RYR3: variants seen among roughly 807,000 people sequenced by gnomAD.
RYR3 encodes ryanodine receptor 3.
RYR3 carries 207 observed loss-of-function variants against 584.3 expected under a neutral mutation model. The ratio of observed to expected loss-of-function variants is 0.35; its 90% CI spans 0.32 to 0.40. The LOEUF (loss-of-function observed/expected upper bound fraction) is 0.40, where lower values mean the gene tolerates loss of function less well. Among genes scored for constraint, RYR3 ranks in the 10% least tolerant of loss-of-function variants. The probability of loss-of-function intolerance (pLI) is 1.00; values close to 1 mark genes in which losing one functional copy is unlikely to be tolerated. For synonymous variants in RYR3, 2,416 were observed against 2,248.5 expected, an observed-to-expected ratio of 1.07 and a Z score of -2.11; for missense variants, 5,616 against 6,089.2, an observed-to-expected ratio of 0.92 and a Z score of 2.59.
intron 38 of RYR3, among the ~76,000 whole-genome samples, chr15:33,692,931 T>C (rs990977300): frequency 8.5e-5 from 13 of 152,186 alleles, no homozygotes; most frequent in Admixed American, 7.9e-4. Context: ...GGTTTTATTA[T>C]GATTCTGTAA....
intron 1 of RYR3, among the ~76,000 whole-genome samples, chr15:33,464,555 T>C (rs960511838): frequency 2.0e-5 from 3 of 147,052 alleles, no homozygotes; most frequent in Non-Finnish European, 4.5e-5. Flanking sequence ...TATATACAAA[T>C]ATAGATAATA....
intron 16 of RYR3, among the ~76,000 whole-genome samples, chr15:33,587,095 G>T (rs1322687210): frequency 6.6e-6 from 1 of 152,166 alleles, no homozygotes; most frequent in East Asian, 1.9e-4. Context: ...TGTATGACAT[G>T]CATCAGCCGT....
intron 80 of RYR3, among the ~76,000 whole-genome samples, chr15:33,822,102 A>G (rs1350470468): frequency 6.6e-6 from 1 of 152,122 alleles, no homozygotes; most frequent in Non-Finnish European, 1.5e-5. Context: ...AGCAGTGAAT[A>G]ATACAAATAA....
chr15:33,523,098 T>C (rs559835450), intron 3 of RYR3, among the ~76,000 whole-genome samples: 5 of 152,182 alleles, frequency 3.3e-5, no homozygotes, highest in African/African-American at 1.2e-4. Context: ...TAAAGGATTG[T>C]AAATGCACCA....
chr15:33,857,138 C>G (rs2079763077), intron 98 of RYR3, among the ~76,000 whole-genome samples: 1 of 152,168 alleles, frequency 6.6e-6, no homozygotes, highest in Admixed American at 6.5e-5. Context: ...ATACATTAGT[C>G]TGCTTGGGCT....
intron 1 of RYR3, among the ~76,000 whole-genome samples, chr15:33,447,903 T>C (rs1459923397): frequency 6.6e-6 from 1 of 152,202 alleles, no homozygotes; most frequent in African/African-American, 2.4e-5. Context: ...TCAAATCTCT[T>C]TTTGAGGCTC....
chr15:33,742,331 TG>T, intron 51 of RYR3, 34 bp from the exon 52 acceptor site: 1 of 1,351,148 alleles, frequency 7.4e-7, no homozygotes, highest in Non-Finnish European at 1.1e-6. Flanking sequence ...CTGAAGTGCT[TG>T]GGGAGGTTGT....
At chr15:33,686,366 G>C (rs2065009504) in intron 38 of RYR3, among the ~76,000 whole-genome samples, 1 of 151,352 alleles carries the variant, frequency 6.6e-6, no homozygotes, top group Non-Finnish European at 1.5e-5. Context: ...ACCCTCCCAA[G>C]ACTACACCAG....
intron 39 of RYR3, among the ~76,000 whole-genome samples, chr15:33,697,448 G>A (rs1392557594): frequency 1.3e-5 from 2 of 152,160 alleles, no homozygotes; most frequent in African/African-American, 4.8e-5. Flanking sequence ...GGAGTACACA[G>A]CAAATTACCA....
chr15:33,501,451 A>G (rs974449190), intron 2 of RYR3, among the ~76,000 whole-genome samples: 5 of 152,348 alleles, frequency 3.3e-5, no homozygotes, highest in Middle Eastern at 3.4e-3. Flanking sequence ...AAAAGTGGGC[A>G]TTAATGTTGT....
chr15:33,863,054 A>G (rs1567365164), intron 102 of RYR3, among the ~76,000 whole-genome samples: 1 of 150,632 alleles, frequency 6.6e-6, no homozygotes. Context: ...CATGGGTTAT[A>G]GACCAGTGGA....
chr15:33,344,089 G>C (rs938357295), intron 1 of RYR3, among the ~76,000 whole-genome samples: 2 of 152,184 alleles, frequency 1.3e-5, no homozygotes, highest in Non-Finnish European at 2.9e-5. Context: ...TGTTGTTGTT[G>C]CTTTTTACAA....
At chr15:33,362,008 G>A (rs566543982) in intron 1 of RYR3, among the ~76,000 whole-genome samples, 3 of 152,306 alleles carry the variant, frequency 2.0e-5, no homozygotes, top group South Asian at 4.1e-4. Context: ...CTAAGTTGCC[G>A]CATTCCCAAG....
chr15:33,449,748 T>C (rs1358094214), intron 1 of RYR3, among the ~76,000 whole-genome samples: 1 of 152,182 alleles, frequency 6.6e-6, no homozygotes, highest in African/African-American at 2.4e-5. Flanking sequence ...ACAGAAGTTT[T>C]GGCAAGGTGT....
At chr15:33,446,885 G>T (rs942225046) in intron 1 of RYR3, among the ~76,000 whole-genome samples, 3 of 152,186 alleles carry the variant, frequency 2.0e-5, no homozygotes, top group Admixed American at 6.5e-5. Flanking sequence ...GTAGAAGGCA[G>T]GTTCTCCAAC....
intron 1 of RYR3, among the ~76,000 whole-genome samples, chr15:33,354,162 C>T (rs1973654171): frequency 6.6e-6 from 1 of 152,184 alleles, no homozygotes; most frequent in Admixed American, 6.5e-5. Context: ...CCCATTTTCT[C>T]AGATACAGGT....
chr15:33,610,207 C>T (rs1450931581), intron 18 of RYR3, among the ~76,000 whole-genome samples: 1 of 152,144 alleles, frequency 6.6e-6, no homozygotes, highest in African/African-American at 2.4e-5. Flanking sequence ...TTACCAAACT[C>T]CAGCCATTCT....
intron 42 of RYR3, among the ~76,000 whole-genome samples, chr15:33,702,316 C>A (rs1000717727): frequency 1.3e-5 from 2 of 152,296 alleles, no homozygotes; most frequent in Admixed American, 1.3e-4. Flanking sequence ...ACCCCAGTTT[C>A]AGTAAGAAGA....
chr15:33,517,237 C>T (rs561017565), intron 3 of RYR3, among the ~76,000 whole-genome samples: 27 of 152,352 alleles, frequency 1.8e-4, no homozygotes, highest in South Asian at 4.1e-4. Context: ...TCGTGATCCA[C>T]GCACCTTGGC....
Sources: gnomAD v4.1 joint callset for allele counts (sites outside exome capture counted in the v4.1 genomes callset) on GRCh38, gnomAD v4.1.1 for gene constraint, MANE v1.5 for transcripts, NCBI Gene and HGNC (gene_info 2026-07-23, HGNC 2026-07-21) for gene names.